Variants in GTF2F2 observed in about 807,000 individuals in gnomAD.
The protein encoded by GTF2F2 is ATP-dependent helicase GTF2F2.
In GTF2F2, 23 loss-of-function variants were observed where a neutral mutation model predicts 42.2. The ratio of observed to expected loss-of-function variants is 0.55; its 90% CI spans 0.39 to 0.77. The LOEUF is 0.77. GTF2F2 is among the 30% of genes least tolerant of loss of function. The probability of loss-of-function intolerance (pLI) is 0.00; values close to 1 mark genes in which losing one functional copy is unlikely to be tolerated. For synonymous variants in GTF2F2, 105 were observed against 100.8 expected, an observed-to-expected ratio of 1.04 and a Z score of -0.25; for missense variants, 261 against 287.2, an observed-to-expected ratio of 0.91 and a Z score of 0.66.
chr13:45,122,783 G>A (rs544089708), intron 1 of GTF2F2, among the ~76,000 whole-genome samples: 102 of 152,192 alleles, frequency 6.7e-4, no homozygotes, highest in Non-Finnish European at 1.4e-3. Flanking sequence ...AATACCTTGA[G>A]TTCTGATCTT....
chr13:45,156,918 A>G (rs1870785108), intron 4 of GTF2F2, among the ~76,000 whole-genome samples: 2 of 152,170 alleles, frequency 1.3e-5, no homozygotes, highest in African/African-American at 4.8e-5. Flanking sequence ...TAGGCTTGGG[A>G]TGCTTTAACA....
chr13:45,184,508 CCT>C (rs1451013161), intron 4 of GTF2F2, among the ~76,000 whole-genome samples: 2 of 151,774 alleles, frequency 1.3e-5, no homozygotes, highest in African/African-American at 4.9e-5. Context: ...CCCACTTCGA[CCT>C]CCCCAAGTGC....
intron 5 of GTF2F2, among the ~76,000 whole-genome samples, chr13:45,243,630 T>A (rs9534078): frequency 0.3 from 45,163 of 152,078 alleles, 8,103 homozygotes; most frequent in African/African-American, 0.49. Context: ...TGTTTTTTTT[T>A]AAATCCATTT....
Position 45,149,828 on chromosome 13 carries a change from A to G in GTF2F2, c.159+40A>G, listed in dbSNP as rs149359493. 2.4e-4 allele frequency: 354 copies of G among 1,478,406 alleles called. 1 individual carries two copies. In the East Asian group the frequency reaches 4.9e-3, roughly 20 times the overall value. 91.6% of individuals were successfully genotyped at this position (1,478,406 alleles called of 1,614,324 possible). A position where few individuals can be genotyped will look rare whatever the true frequency, so the allele number is the denominator to read the frequency against. ...ATGGAAATTTTAGTTAAAACTTGAGACTATCTTTTCATTAATAATAGTGAA... is the reference window on the plus strand; with the variant it reads ...ATGGAAATTTTAGTTAAAACTTGAGGCTATCTTTTCATTAATAATAGTGAA... On this transcript the variant is annotated intron_variant, in intron 3 of 7. Transcript: ENST00000340473.
intron 1 of GTF2F2, among the ~76,000 whole-genome samples, chr13:45,126,432 A>G (rs1593441998): frequency 6.6e-6 from 1 of 151,850 alleles, no homozygotes; most frequent in Non-Finnish European, 1.5e-5. Flanking sequence ...TTGTATTTTT[A>G]GTAGAGACGG....
chr13:45,253,934 A>G (rs6561214), intron 6 of GTF2F2, among the ~76,000 whole-genome samples: 54,808 of 151,972 alleles, frequency 0.36, 13,620 homozygotes, highest in African/African-American at 0.71. Context: ...TTAGTCGGGC[A>G]TGGCGGTGTG....
intron 5 of GTF2F2, among the ~76,000 whole-genome samples, chr13:45,251,113 C>A (rs1875858684): frequency 6.6e-6 from 1 of 151,994 alleles, no homozygotes; most frequent in Non-Finnish European, 1.5e-5. Flanking sequence ...AAAAACAAAA[C>A]CTATGGCATT....
intron 4 of GTF2F2, among the ~76,000 whole-genome samples, chr13:45,199,498 C>G (rs1369199971): frequency 6.9e-6 from 1 of 145,578 alleles, no homozygotes; most frequent in Non-Finnish European, 1.5e-5. Context: ...GAAGTCATAC[C>G]TTAAGTTTTT....
intron 1 of GTF2F2, among the ~76,000 whole-genome samples, chr13:45,134,127 A>G (rs909298478): frequency 6.6e-6 from 1 of 152,146 alleles, no homozygotes; most frequent in Non-Finnish European, 1.5e-5. Context: ...TTACTTTGAC[A>G]TTGTTGCAGA....
chr13:45,229,300 TC>T (rs994682778), intron 5 of GTF2F2, among the ~76,000 whole-genome samples: 4 of 151,480 alleles, frequency 2.6e-5, no homozygotes, highest in South Asian at 2.1e-4. Context: ...GCCCCTTACT[TC>T]CCCCCACCTC....
intron 4 of GTF2F2, among the ~76,000 whole-genome samples, chr13:45,168,058 G>T (rs1209313910): frequency 6.6e-6 from 1 of 152,176 alleles, no homozygotes. Context: ...TTATGTGTCA[G>T]ACTTTTCTTG....
intron 4 of GTF2F2, among the ~76,000 whole-genome samples, chr13:45,169,083 G>C (rs575385689): frequency 6.5e-4 from 99 of 151,674 alleles, no homozygotes; most frequent in African/African-American, 2.3e-3. Flanking sequence ...TCGAACTCCT[G>C]ACCTCAAGTG....
At chr13:45,150,062 G>C (rs949533752) in intron 3 of GTF2F2, among the ~76,000 whole-genome samples, 1 of 152,152 alleles carries the variant, frequency 6.6e-6, no homozygotes, top group African/African-American at 2.4e-5. Flanking sequence ...TAATACGTTA[G>C]TATTACTTCA....
At chr13:45,128,021 C>T (rs1338299296) in intron 1 of GTF2F2, among the ~76,000 whole-genome samples, 2 of 126,236 alleles carry the variant, frequency 1.6e-5, no homozygotes, top group African/African-American at 5.9e-5. Context: ...AGTGCAGTGG[C>T]GCGATCTCGA....
chr13:45,126,859 T>C (rs933510806), intron 1 of GTF2F2, among the ~76,000 whole-genome samples: 1 of 152,248 alleles, frequency 6.6e-6, no homozygotes, highest in Admixed American at 6.5e-5. Context: ...GAGGAAATAA[T>C]GCTGTAGTGA....
At chr13:45,255,851 A>T (rs1876081051) in intron 6 of GTF2F2, among the ~76,000 whole-genome samples, 2 of 152,190 alleles carry the variant, frequency 1.3e-5, no homozygotes, top group Non-Finnish European at 1.5e-5. Context: ...TACAAGAAAG[A>T]CTGCACTTTC....
In GTF2F2 at chr13:45,241,580, G is replaced by A. The variant is rs192957188; in HGVS notation, c.387-11291G>A. ...ATTTTTAATTAATTTAAATAGACACGGCTAGTGGCTACCATATTGGACAGT... is the reference window on the plus strand; with the variant it reads ...ATTTTTAATTAATTTAAATAGACACAGCTAGTGGCTACCATATTGGACAGT... On this transcript the variant is annotated intron_variant, in intron 5 of 7. Coordinates refer to ENST00000340473, the MANE Select transcript of GTF2F2 (RefSeq NM_004128.3). Among the ~76,000 whole-genome samples the A allele has an allele frequency of 2.2e-4, 30 of 135,764 alleles. 1 individual carries two copies. Among genetic ancestry groups the A allele is most frequent in the African/African-American group, 6.2e-4 (20 of 32,516 alleles). The allele number at this position is 135,764 out of a possible 152,430, so 89.1% of individuals were successfully genotyped here.
intron 4 of GTF2F2, chr13:45,193,248 C>T (rs1872726394): frequency 6.6e-6 from 1 of 152,182 alleles, no homozygotes; most frequent in Non-Finnish European, 1.5e-5. Flanking sequence ...AAAATCAAAT[C>T]AATAGCTTTA....
chr13:45,205,932 G>T (rs1323603774), intron 4 of GTF2F2, among the ~76,000 whole-genome samples: 3 of 152,116 alleles, frequency 2.0e-5, no homozygotes, highest in African/African-American at 7.2e-5. Flanking sequence ...GACGACTAAA[G>T]AATTTTTCTT....
Sources: gnomAD v4.1 joint callset for allele counts (sites outside exome capture counted in the v4.1 genomes callset) on GRCh38, gnomAD v4.1.1 for gene constraint, MANE v1.5 for transcripts, NCBI Gene and HGNC (gene_info 2026-07-23, HGNC 2026-07-21) for gene names.